The following WWP2 variants were observed in gnomAD, a reference collection of about 807,000 sequenced individuals.
WWP2 encodes NEDD4-like E3 ubiquitin-protein ligase WWP2.
Under a neutral mutation model 121.0 loss-of-function variants are expected in WWP2, and 57 were observed. That is an observed-to-expected ratio of 0.47 (90% CI 0.38 to 0.59). WWP2 has a LOEUF of 0.59. Among genes scored for constraint, WWP2 ranks in the 20% least tolerant of loss-of-function variants. WWP2 has a pLI of 0.00. For missense variants in WWP2, 962 were observed against 1,158.9 expected (o/e 0.83, Z 2.47); for synonymous variants, 449 against 441.3 (o/e 1.02, Z -0.22).
chr16:69,849,229 A>T (rs1194456603), intron 6 of WWP2, among the ~76,000 whole-genome samples: 1 of 151,864 alleles, frequency 6.6e-6, no homozygotes, highest in Non-Finnish European at 1.5e-5. Flanking sequence ...AGCAGGGAGG[A>T]GGGGTGGAGG....
rs117888798 is a variant in WWP2 at position 69,875,834 on chromosome 16, A to G, written c.703+3903A>G. 9.6e-3 allele frequency among the ~76,000 whole-genome samples: 1,465 copies of G among 152,326 alleles called. 11 individuals are homozygous for G. The highest frequency in any genetic ancestry group is 0.017 in the Middle Eastern group (5 of 294). The stretch of plus-strand genomic sequence containing the variant: ...AATCTTGAACCCCTCAGAGCCATCT[A>G]TCAGGGTTTGAGCTTCTTCCAAACT... On this transcript the variant is annotated intron_variant, in intron 7 of 23. Transcript: ENST00000359154.
At chr16:69,827,417 T>A (rs2056721165) in intron 4 of WWP2, among the ~76,000 whole-genome samples, 1 of 151,954 alleles carries the variant, frequency 6.6e-6, no homozygotes, top group Non-Finnish European at 1.5e-5. Flanking sequence ...AACTTTGTGG[T>A]ATGAATAATT....
chr16:69,858,458 C>A (rs1015398574), intron 6 of WWP2, among the ~76,000 whole-genome samples: 15 of 152,056 alleles, frequency 9.9e-5, no homozygotes, highest in Non-Finnish European at 2.2e-4. Context: ...GTTTACGTTC[C>A]CTGGCGCCTT....
rs201577619 is a variant in WWP2, at chr16:69,848,450, C to CA, written c.575+6342dup. On this transcript the variant is annotated intron_variant, in intron 6 of 23. Transcript: ENST00000359154. ...GGTCAACAAGAGCAAAGCTCCATCT[C>CA]AAAAAAAAAAAACAAACAAACAAGA... Among the ~76,000 whole-genome samples, 963 of 132,026 alleles carry CA rather than the reference C, an allele frequency of 7.3e-3. 19 individuals carry two copies. In the East Asian group the frequency reaches 0.091, roughly 13 times the overall value. 86.6% of individuals were successfully genotyped at this position (132,026 alleles called of 152,430 possible).
At chr16:69,939,762 C>T in intron 23 of WWP2, 79 bp from the exon 24 acceptor site, 1 of 1,345,100 alleles carries the variant, frequency 7.4e-7, no homozygotes, top group Non-Finnish European at 1.0e-6. Flanking sequence ...CCCTGTGGCC[C>T]TGCTGCAGGC....
At chr16:69,762,496 G>C (rs900700148) in intron 1 of WWP2, 105 bp downstream of exon 1, 6 of 148,530 alleles carry the variant, frequency 4.0e-5, no homozygotes, top group African/African-American at 1.5e-4. Flanking sequence ...CGGCCCGGGC[G>C]TCGGGGGGCG....
chr16:69,772,399 C>T (rs531651905), intron 1 of WWP2, among the ~76,000 whole-genome samples: 11 of 152,180 alleles, frequency 7.2e-5, no homozygotes, highest in African/African-American at 2.4e-4. Flanking sequence ...ATGCAGGGCA[C>T]GTGAGCCCCA....
At position 69,869,924 on chromosome 16, in the gene WWP2, C is replaced by T. The variant is rs74029724; in HGVS notation, c.576-1880C>T. Among the ~76,000 whole-genome samples, 1,286 of 152,290 alleles carry T rather than the reference C, an allele frequency of 8.4e-3. 21 individuals carry two copies. The highest frequency in any genetic ancestry group is 0.029 in the African/African-American group (1,194 of 41,570). ...TCGTTCTGCTGGAGGTGGATCCTCC[C>T]AATGGGGAACTTTCTATTATAGCTC... On this transcript the variant is annotated intron_variant, in intron 6 of 23. Transcript: ENST00000359154.
chr16:69,787,341 C>T (rs777054191), intron 2 of WWP2, among the ~76,000 whole-genome samples: 1 of 152,180 alleles, frequency 6.6e-6, no homozygotes, highest in Admixed American at 6.6e-5. Context: ...TGTAATTCAG[C>T]ACTTTGGGAG....
chr16:69,909,510 A>T, intron 9 of WWP2: 1 of 985,354 alleles, frequency 1.0e-6, no homozygotes, highest in South Asian at 4.7e-5. Flanking sequence ...ATCCCACCTC[A>T]TCTTCTGGTC....
intron 8 of WWP2, among the ~76,000 whole-genome samples, chr16:69,896,948 A>G (rs940035590): frequency 2.0e-5 from 3 of 152,216 alleles, no homozygotes; most frequent in Admixed American, 6.6e-5. Context: ...AAAAGTTGAT[A>G]ATCTTCCAGT....
chr16:69,871,170 G>C (rs1419285365), intron 6 of WWP2, among the ~76,000 whole-genome samples: 1 of 152,136 alleles, frequency 6.6e-6, no homozygotes, highest in Admixed American at 6.5e-5. Flanking sequence ...CTATAGTCCA[G>C]CTACTGGGGA....
Position 69,931,576 on chromosome 16 carries a change from A to G in WWP2, c.1589A>G (p.Gln530Arg), listed in dbSNP as rs567331277. ...SRQTLFEDSF[Q>R]QIMNMKPYDL... ...CAGACGCTTTTCGAAGATTCCTTCC[A>G]ACAGGTTAGATCATGGTGCCCGAAA... The change falls in exon 15 of 24, where the codon CAA becomes CGA. Residue 530 changes from glutamine to arginine, a missense_variant. Physicochemically the swap from Gln to Arg is conservative, Grantham distance 43. Transcript: ENST00000359154. The G allele has an allele frequency of 8.7e-6, 14 of 1,613,840 alleles. No individual in the cohort carries two copies. The South Asian group carries it at 1.5e-4, about 18-fold the overall frequency.
intron 4 of WWP2, among the ~76,000 whole-genome samples, chr16:69,814,220 G>A (rs562106378): frequency 3.3e-5 from 5 of 152,280 alleles, no homozygotes; most frequent in South Asian, 4.1e-4. Flanking sequence ...CAGTGCAGTG[G>A]TGTGATCATA....
chr16:69,866,903 T>C lies in WWP2; in HGVS notation c.576-4901T>C, dbSNP rs920316429. ...CCCAGGCTGGAATGCAGTGGTGCGATCTTGGCTCACTGAAACCTCCGCCTC... is the reference window on the plus strand; with the variant it reads ...CCCAGGCTGGAATGCAGTGGTGCGACCTTGGCTCACTGAAACCTCCGCCTC... On this transcript the variant is annotated intron_variant, in intron 6 of 23. Transcript: ENST00000359154. Among the ~76,000 whole-genome samples the C allele has an allele frequency of 2.0e-5, 3 of 152,038 alleles. No homozygotes were observed. The South Asian group carries it at 6.2e-4, about 31-fold the overall frequency.
Position 69,936,296 on chromosome 16 carries a change from T to C in WWP2, c.1977-16T>C. ...ACACGGTAGACATCTCCCCACTTGG[T>C]CTCCTGTGCCCCCAGAGAGAACAAC... On this transcript the variant is annotated splice_polypyrimidine_tract_variant and intron_variant, in intron 18 of 23. Coordinates refer to ENST00000359154, the MANE Select transcript of WWP2 (RefSeq NM_001270454.2). The C allele has an allele frequency of 1.2e-6, 2 of 1,613,802 alleles. No individual in the cohort carries two copies. Among genetic ancestry groups the C allele is most frequent in the Non-Finnish European group, 1.7e-6 (2 of 1,179,926 alleles).
chr16:69,809,790 C>CAG (rs139573012), intron 4 of WWP2, among the ~76,000 whole-genome samples: 2,263 of 138,212 alleles, frequency 0.016, 50 homozygotes, highest in African/African-American at 0.05. Context: ...GAGAGAGAGA[C>CAG]AGAGAGAGAG....
intron 9 of WWP2, chr16:69,910,143 C>A: frequency 5.6e-6 from 1 of 177,608 alleles, no homozygotes. Flanking sequence ...CCGCCGCACC[C>A]TGATCTAGGT....
chr16:69,899,172 CT>C (rs2058156762), intron 8 of WWP2, among the ~76,000 whole-genome samples: 2 of 152,080 alleles, frequency 1.3e-5, no homozygotes, highest in South Asian at 4.1e-4. Context: ...TTTCATGTGT[CT>C]TTTGTGTTTT....
Sources: gnomAD v4.1 joint callset for allele counts (sites outside exome capture counted in the v4.1 genomes callset) on GRCh38, gnomAD v4.1.1 for gene constraint, MANE v1.5 for transcripts, NCBI Gene and HGNC (gene_info 2026-07-23, HGNC 2026-07-21) for gene names.